Variants in FBXL7 observed in about 807,000 individuals in gnomAD.
The protein encoded by FBXL7 is F-box and leucine rich repeat protein 7.
A neutral mutation model predicts 38.3 loss-of-function variants in FBXL7; 12 were observed. The observed-to-expected ratio is 0.31, with a 90% CI of 0.20 to 0.51. The LOEUF is 0.51. Ranked by LOEUF, FBXL7 falls within the 20% of genes least tolerant of loss-of-function variation. The pLI, the probability that FBXL7 is intolerant of heterozygous loss-of-function variation, is 0.98. For missense variants in FBXL7, 567 were observed against 676.4 expected, an observed-to-expected ratio of 0.84 and a Z score of 1.79; for synonymous variants, 297 against 300.9, an observed-to-expected ratio of 0.99 and a Z score of 0.13.
intron 2 of FBXL7, among the ~76,000 whole-genome samples, chr5:15,722,939 A>C (rs201025502): frequency 2.7e-5 from 2 of 74,636 alleles, no homozygotes; most frequent in African/African-American, 4.0e-5. Context: ...ACAAAAAAAA[A>C]AAGAGAGAAG....
At chr5:15,593,679 GTTTT>G in intron 1 of FBXL7, among the ~76,000 whole-genome samples, 1 of 152,126 alleles carries the variant, frequency 6.6e-6, no homozygotes, top group East Asian at 1.9e-4. Context: ...AAATGTACAG[GTTTT>G]TTGTTTTAAA....
At chr5:15,797,308 T>G (rs1315233970) in intron 2 of FBXL7, among the ~76,000 whole-genome samples, 1 of 152,198 alleles carries the variant, frequency 6.6e-6, no homozygotes, top group Non-Finnish European at 1.5e-5. Context: ...ACAGCTGTAA[T>G]GTAGGACCCT....
At chr5:15,799,865 G>A (rs1459948114) in intron 2 of FBXL7, among the ~76,000 whole-genome samples, 1 of 152,122 alleles carries the variant, frequency 6.6e-6, no homozygotes, top group Non-Finnish European at 1.5e-5. Flanking sequence ...GTTCCAACCA[G>A]GTCACAGTGT....
intron 2 of FBXL7, among the ~76,000 whole-genome samples, chr5:15,877,148 G>A (rs959199517): frequency 6.6e-6 from 1 of 152,182 alleles, no homozygotes; most frequent in Non-Finnish European, 1.5e-5. Context: ...CTGAAAAGCT[G>A]TCGCTGGCTT....
intron 2 of FBXL7, among the ~76,000 whole-genome samples, chr5:15,635,967 T>G (rs776991041): frequency 1.3e-5 from 2 of 151,502 alleles, no homozygotes; most frequent in Non-Finnish European, 2.9e-5. Flanking sequence ...CAATGTGAGG[T>G]CAGTAATAGT....
intron 2 of FBXL7, among the ~76,000 whole-genome samples, chr5:15,674,925 C>G (rs767903179): frequency 9.2e-5 from 14 of 152,156 alleles, no homozygotes; most frequent in Non-Finnish European, 8.8e-5. Context: ...CTCAAGAAGA[C>G]CCTCTGGAAT....
intron 2 of FBXL7, among the ~76,000 whole-genome samples, chr5:15,839,506 A>G (rs1336246617): frequency 2.0e-5 from 3 of 151,932 alleles, no homozygotes; most frequent in Non-Finnish European, 4.4e-5. Context: ...ATTGAATTCT[A>G]GTGCTTCTTT....
chr5:15,588,081 C>G (rs1297539070), intron 1 of FBXL7, among the ~76,000 whole-genome samples: 1 of 152,162 alleles, frequency 6.6e-6, no homozygotes, highest in African/African-American at 2.4e-5. Flanking sequence ...CCAGCAGAGG[C>G]AAAACTGAGG....
At chr5:15,715,735 T>C (rs1744024394) in intron 2 of FBXL7, among the ~76,000 whole-genome samples, 1 of 152,322 alleles carries the variant, frequency 6.6e-6, no homozygotes, top group South Asian at 2.1e-4. Context: ...TATAAACCAG[T>C]GCCTCATCAT....
rs1340491764 is a variant in FBXL7 at position 15,500,568 on chromosome 5, G to C, written c.-109G>C. 18 of 1,468,074 alleles carry C rather than the reference G, an allele frequency of 1.2e-5. No homozygotes were observed. In the East Asian group the frequency reaches 3.9e-4, roughly 31 times the overall value. The allele number at this position is 1,468,074 out of a possible 1,614,324, so 90.9% of individuals were successfully genotyped here. On this transcript the variant is annotated 5_prime_UTR_variant, in exon 1 of 4. Coordinates refer to ENST00000504595, the MANE Select transcript of FBXL7 (RefSeq NM_012304.5). ...GAGGTCGGCCCCGGAGCTTGGGGGG[G>C]ATGTGCAGCTAACGGTCCCGTCGGG...
At chr5:15,728,737 T>C (rs2126660432) in intron 2 of FBXL7, among the ~76,000 whole-genome samples, 1 of 152,304 alleles carries the variant, frequency 6.6e-6, no homozygotes, top group Middle Eastern at 3.4e-3. Context: ...CAAAGGCTTG[T>C]ACAGACATCT....
At chr5:15,592,743 A>G (rs1739520642) in intron 1 of FBXL7, among the ~76,000 whole-genome samples, 1 of 152,220 alleles carries the variant, frequency 6.6e-6, no homozygotes, top group African/African-American at 2.4e-5. Context: ...TATAAATTTA[A>G]AATGGAAAAT....
intron 2 of FBXL7, among the ~76,000 whole-genome samples, chr5:15,652,683 T>C (rs1204384756): frequency 6.6e-6 from 1 of 152,236 alleles, no homozygotes; most frequent in East Asian, 1.9e-4. Context: ...ACTTGAATAC[T>C]TAGAAGCCAT....
At chr5:15,629,470 A>G (rs1309600962) in intron 2 of FBXL7, among the ~76,000 whole-genome samples, 1 of 152,138 alleles carries the variant, frequency 6.6e-6, no homozygotes, top group East Asian at 1.9e-4. Flanking sequence ...TTTTATTATG[A>G]AGCTTCATTG....
intron 1 of FBXL7, among the ~76,000 whole-genome samples, chr5:15,602,735 A>C (rs909827685): frequency 1.3e-5 from 2 of 152,214 alleles, no homozygotes; most frequent in African/African-American, 4.8e-5. Context: ...CCCTCCCCCC[A>C]AAAAGAAGAA....
At chr5:15,753,518 T>C (rs1479332637) in intron 2 of FBXL7, among the ~76,000 whole-genome samples, 1 of 152,218 alleles carries the variant, frequency 6.6e-6, no homozygotes, top group Non-Finnish European at 1.5e-5. Context: ...GTGATTTTTA[T>C]TTTAATTGGG....
intron 2 of FBXL7, among the ~76,000 whole-genome samples, chr5:15,796,535 A>G (rs944425139): frequency 6.6e-6 from 1 of 152,222 alleles, no homozygotes; most frequent in African/African-American, 2.4e-5. Flanking sequence ...TAGAATTGGC[A>G]TCAGTTCCTG....
chr5:15,610,486 G>C (rs1446989236), intron 1 of FBXL7, among the ~76,000 whole-genome samples: 5 of 152,200 alleles, frequency 3.3e-5, no homozygotes, highest in Admixed American at 3.3e-4. Context: ...TGAGACAATA[G>C]CTTGACTTGC....
At chr5:15,684,719 C>G (rs58908332) in intron 2 of FBXL7, among the ~76,000 whole-genome samples, 9,818 of 152,198 alleles carry the variant, frequency 0.065, 362 homozygotes, top group East Asian at 0.085. Flanking sequence ...CAGAGATAGG[C>G]TCATTGGAAA....
Sources: allele counts gnomAD v4.1 joint callset (sites outside exome capture counted in the v4.1 genomes callset), GRCh38; gene constraint gnomAD v4.1.1; transcripts MANE v1.5; gene names NCBI Gene and HGNC (gene_info 2026-07-23, HGNC 2026-07-21).